Variants in IMMP2L observed in about 807,000 individuals in gnomAD.
IMMP2L encodes the protein inner mitochondrial membrane peptidase subunit 2, also known as mitochondrial inner membrane protease subunit 2.
In IMMP2L, 18 loss-of-function variants were observed where a neutral mutation model predicts 19.3. The ratio of observed to expected loss-of-function variants is 0.93; its 90% CI spans 0.64 to 1.38. IMMP2L has a LOEUF of 1.38. Ranked by LOEUF, IMMP2L falls within the 40% of genes most tolerant of loss-of-function variation. The probability of loss-of-function intolerance (pLI) is 0.00; values close to 1 mark genes in which losing one functional copy is unlikely to be tolerated. For synonymous variants in IMMP2L, 76 were observed against 73.0 expected (o/e 1.04, Z -0.21); for missense variants, 233 against 218.2 (o/e 1.07, Z -0.43).
At chr7:110,969,542 G>A (rs186118580) in intron 3 of IMMP2L, among the ~76,000 whole-genome samples, 7 of 152,024 alleles carry the variant, frequency 4.6e-5, no homozygotes, top group South Asian at 2.1e-4. Context: ...GCAAAATGAC[G>A]TACAGATGAA....
Position 110,757,180 on chromosome 7 carries a change from G to C in IMMP2L, c.409-93459C>G, listed in dbSNP as rs150842137. ...AAATAAAGTCAGAAAGAGGCATAGG[G>C]AGGGAATCCAGTGTTGGAGGCAAGG... On this transcript the variant is annotated intron_variant, in intron 5 of 5. Coordinates refer to ENST00000405709, the MANE Select transcript of IMMP2L (RefSeq NM_032549.4). The surrounding 1 kb of genome is among the most constrained non-coding windows in gnomAD (Gnocchi z 4.2). 1.1e-3 allele frequency among the ~76,000 whole-genome samples: 173 copies of C among 152,176 alleles called. 1 individual carries two copies. The highest frequency in any genetic ancestry group is 3.9e-3 in the African/African-American group (163 of 41,538).
intron 5 of IMMP2L, among the ~76,000 whole-genome samples, chr7:110,680,670 T>C (rs1792653566): frequency 6.6e-6 from 1 of 152,140 alleles, no homozygotes; most frequent in East Asian, 1.9e-4. Context: ...TGCCTGTCTG[T>C]CCAAGTGTCT....
chr7:111,087,298 A>T (rs1331306039), intron 3 of IMMP2L, among the ~76,000 whole-genome samples: 1 of 151,958 alleles, frequency 6.6e-6, no homozygotes, highest in Non-Finnish European at 1.5e-5. Flanking sequence ...AAATACAAAA[A>T]ATTTGCAGGG....
At position 111,394,956 on chromosome 7, in the gene IMMP2L, T is replaced by C. The variant is rs569155019; in HGVS notation, c.239+92282A>G. The C allele has an allele frequency of 2.2e-4, 54 of 240,792 alleles. 1 individual carries two copies. Among genetic ancestry groups the C allele is most frequent in the Non-Finnish European group, 3.9e-4 (43 of 109,314 alleles). 14.9% of individuals were successfully genotyped at this position (240,792 alleles called of 1,614,324 possible). ...GTGTCATCGAAGTGGCAAGGGTCTTTCTGAAGTATTTGAACACACTGTTAT... is the reference window on the plus strand; with the variant it reads ...GTGTCATCGAAGTGGCAAGGGTCTTCCTGAAGTATTTGAACACACTGTTAT... On this transcript the variant is annotated intron_variant, in intron 3 of 5. Transcript: ENST00000405709.
intron 3 of IMMP2L, among the ~76,000 whole-genome samples, chr7:111,152,656 C>T (rs1804209476): frequency 6.6e-6 from 1 of 152,104 alleles, no homozygotes; most frequent in Admixed American, 6.5e-5. Flanking sequence ...AAAGCAGATG[C>T]TAGCAAGATG....
In IMMP2L at chr7:110,890,547, C is replaced by T. The variant is rs947382412; in HGVS notation, c.306-3852G>A. On this transcript the variant is annotated intron_variant, in intron 4 of 5. Transcript: ENST00000405709. ...AGGACTGCCAAAGAAATATAATACTCCTAATAGAATTTCTCTAGAGAAAGA... is the reference window on the plus strand; with the variant it reads ...AGGACTGCCAAAGAAATATAATACTTCTAATAGAATTTCTCTAGAGAAAGA... Among the ~76,000 whole-genome samples, 4 of 152,068 alleles carry T rather than the reference C, an allele frequency of 2.6e-5. No homozygotes were observed. The South Asian group carries it at 8.3e-4, about 32-fold the overall frequency.
At chr7:111,386,417 A>G (rs1831761016) in intron 3 of IMMP2L, among the ~76,000 whole-genome samples, 1 of 152,088 alleles carries the variant, frequency 6.6e-6, no homozygotes, top group Non-Finnish European at 1.5e-5. Flanking sequence ...TGACTATACA[A>G]ATACATATAT....
chr7:111,518,619 T>A (rs1846073595), intron 2 of IMMP2L, among the ~76,000 whole-genome samples: 1 of 152,122 alleles, frequency 6.6e-6, no homozygotes, highest in South Asian at 2.1e-4. Context: ...ATAAACGTGT[T>A]TAGTTGATCA....
chr7:111,178,238 C>G (rs564199421), intron 3 of IMMP2L, among the ~76,000 whole-genome samples: 1 of 152,112 alleles, frequency 6.6e-6, no homozygotes, highest in South Asian at 2.1e-4. Flanking sequence ...CTATACTGTA[C>G]TTTATTAAAT....
intron 3 of IMMP2L, among the ~76,000 whole-genome samples, chr7:111,048,238 CAAAAAAA>C (rs575701337): frequency 0.024 from 446 of 18,280 alleles, 2 homozygotes; most frequent in Middle Eastern, 0.056. Flanking sequence ...GACTCTGTCT[CAAAAAAA>C]AAAAAAAAAA....
chr7:111,393,020 A>T (rs927504575), intron 3 of IMMP2L: 1 of 340,940 alleles, frequency 2.9e-6, no homozygotes, highest in African/African-American at 2.1e-5. Context: ...TTATTCATTA[A>T]ATCACTGGCC....
intron 3 of IMMP2L, among the ~76,000 whole-genome samples, chr7:111,249,509 C>G (rs7784915): frequency 6.6e-6 from 1 of 151,864 alleles, no homozygotes; most frequent in African/African-American, 2.4e-5. Flanking sequence ...AGCTGTAGAC[C>G]GGAGCTGTTC....
At chr7:111,230,732 T>G (rs1813620118) in intron 3 of IMMP2L, among the ~76,000 whole-genome samples, 1 of 152,044 alleles carries the variant, frequency 6.6e-6, no homozygotes, top group African/African-American at 2.4e-5. Flanking sequence ...GAGCTTTCAG[T>G]TTACTGAGAG....
chr7:111,095,023 AT>A (rs1312497100), intron 3 of IMMP2L, among the ~76,000 whole-genome samples: 1 of 152,060 alleles, frequency 6.6e-6, no homozygotes, highest in African/African-American at 2.4e-5. Flanking sequence ...TATTTGCATA[AT>A]TGTCAAGTTT....
chr7:110,817,304 C>G (rs544478948), intron 5 of IMMP2L, among the ~76,000 whole-genome samples: 2 of 152,158 alleles, frequency 1.3e-5, no homozygotes, highest in African/African-American at 4.8e-5. Context: ...CACGAGCATT[C>G]TTATACACCA....
chr7:111,204,044 G>C (rs898075017), intron 3 of IMMP2L, among the ~76,000 whole-genome samples: 3 of 152,014 alleles, frequency 2.0e-5, no homozygotes, highest in Non-Finnish European at 4.4e-5. Flanking sequence ...ACTCAGAAAG[G>C]AAATAAATCT....
At chr7:110,702,845 T>C (rs1794378600) in intron 5 of IMMP2L, among the ~76,000 whole-genome samples, 1 of 152,190 alleles carries the variant, frequency 6.6e-6, no homozygotes, top group Non-Finnish European at 1.5e-5. Flanking sequence ...TGTACAATCA[T>C]GTTTTTAAAA....
Position 111,473,044 on chromosome 7 carries a change from T to C in IMMP2L, c.239+14194A>G, listed in dbSNP as rs146249051. Among the ~76,000 whole-genome samples the C allele has an allele frequency of 5.8e-3, 889 of 152,336 alleles. 13 individuals carry two copies. The highest frequency in any genetic ancestry group is 0.02 in the African/African-American group (822 of 41,578). ...CTTAATTTTGTACGTATACCCTATA[T>C]TTATTTTAACAAATAAAACTATTAT... On this transcript the variant is annotated intron_variant, in intron 3 of 5. Coordinates refer to ENST00000405709, the MANE Select transcript of IMMP2L (RefSeq NM_032549.4).
At chr7:110,960,050 C>T (rs1023334168) in intron 4 of IMMP2L, among the ~76,000 whole-genome samples, 10 of 151,930 alleles carry the variant, frequency 6.6e-5, no homozygotes, top group African/African-American at 2.4e-4. Context: ...AATGATCCAT[C>T]TGAGTTAAAA....
Sources: gnomAD v4.1 joint callset for allele counts (sites outside exome capture counted in the v4.1 genomes callset) on GRCh38, gnomAD v4.1.1 for gene constraint, Gnocchi (gnomAD v3.1) non-coding constraint, MANE v1.5 for transcripts, NCBI Gene and HGNC (gene_info 2026-07-23, HGNC 2026-07-21) for gene names.